CSMD2: variants seen among roughly 807,000 people sequenced by gnomAD.
CSMD2 encodes the protein CUB and Sushi multiple domains 2, also known as CUB and sushi domain-containing protein 2.
A neutral mutation model predicts 398.5 loss-of-function variants in CSMD2; 130 were observed. The observed-to-expected ratio is 0.33, with a 90% CI of 0.28 to 0.38. CSMD2 has a LOEUF of 0.38. Among genes scored for constraint, CSMD2 ranks in the 10% least tolerant of loss-of-function variants. The pLI, the probability that CSMD2 is intolerant of heterozygous loss-of-function variation, is 1.00. For synonymous variants in CSMD2, 1,828 were observed against 1,908.5 expected (o/e 0.96, Z 1.10); for missense variants, 3,829 against 4,764.9 (o/e 0.80, Z 5.78).
intron 21 of CSMD2, among the ~76,000 whole-genome samples, chr1:33,711,048 T>C (rs1645970290): frequency 6.6e-6 from 1 of 152,226 alleles, no homozygotes; most frequent in Non-Finnish European, 1.5e-5. Flanking sequence ...TCATGATGAA[T>C]GTGCTGAGAT....
chr1:33,858,588 A>G (rs144718700), intron 5 of CSMD2, among the ~76,000 whole-genome samples: 181 of 152,324 alleles, frequency 1.2e-3, no homozygotes, highest in African/African-American at 4.1e-3. Flanking sequence ...TTATTAAAAT[A>G]TTGTGCTCAC....
intron 12 of CSMD2, among the ~76,000 whole-genome samples, chr1:33,779,825 G>GA (rs1265632332): frequency 2.0e-5 from 3 of 152,202 alleles, no homozygotes; most frequent in Admixed American, 6.5e-5. Context: ...CCGAGCCAAT[G>GA]TTTTTTGAAA....
At chr1:33,679,498 C>T (rs1053631961) in intron 25 of CSMD2, among the ~76,000 whole-genome samples, 1 of 152,188 alleles carries the variant, frequency 6.6e-6, no homozygotes, top group East Asian at 1.9e-4. Flanking sequence ...CTGCGCCCAG[C>T]CTCAAATACT....
intron 47 of CSMD2, among the ~76,000 whole-genome samples, chr1:33,582,824 G>A (rs1351254167): frequency 2.0e-5 from 3 of 152,186 alleles, no homozygotes; most frequent in Non-Finnish European, 4.4e-5. Flanking sequence ...TGTGTGAGGC[G>A]CATATCTTTA....
chr1:33,722,766 T>A (rs77849812), intron 19 of CSMD2, among the ~76,000 whole-genome samples: 18 of 152,308 alleles, frequency 1.2e-4, no homozygotes, highest in Non-Finnish European at 1.6e-4. Context: ...AAGTTTTTTT[T>A]AATTGAATCT....
At chr1:33,548,205 T>A (rs75560692) in intron 56 of CSMD2, among the ~76,000 whole-genome samples, 3,942 of 152,320 alleles carry the variant, frequency 0.026, 166 homozygotes, top group African/African-American at 0.085. Flanking sequence ...GGCTCAGGTA[T>A]GTCTTTTGGC....
Position 33,739,218 on chromosome 1 carries a change from T to A in CSMD2, c.2290A>T (p.Thr764Ser), listed in dbSNP as rs771377914. Reference protein sequence around the residue: ...SFLCDEGFLGTQGSETITCVL... With the variant: ...SFLCDEGFLGSQGSETITCVL... ...CAGGTGATGGTCTCTGAGCCCTGAGTCCCAAGGAAGCCTTCATCACAGAGG... is the reference window on the plus strand; with the variant it reads ...CAGGTGATGGTCTCTGAGCCCTGAGACCCAAGGAAGCCTTCATCACAGAGG... The change falls in exon 15 of 71, where the codon ACT becomes TCT. Residue 764 changes from threonine to serine, a missense_variant. Coordinates refer to ENST00000373381, the MANE Select transcript of CSMD2 (RefSeq NM_001281956.2). 2 of 1,614,050 alleles carry A rather than the reference T, an allele frequency of 1.2e-6. No homozygotes were observed. Among genetic ancestry groups the A allele is most frequent in the Non-Finnish European group, 1.7e-6 (2 of 1,180,006 alleles).
intron 3 of CSMD2, among the ~76,000 whole-genome samples, chr1:33,937,261 A>G (rs1323091886): frequency 6.6e-6 from 1 of 152,214 alleles, no homozygotes; most frequent in African/African-American, 2.4e-5. Context: ...GGACAGGAAC[A>G]GGTAGGGAAC....
intron 21 of CSMD2, among the ~76,000 whole-genome samples, chr1:33,710,657 G>A (rs72662075): frequency 0.092 from 13,951 of 152,172 alleles, 883 homozygotes; most frequent in Non-Finnish European, 0.14. Context: ...AAAAGCCCTG[G>A]GGTTGACCAA....
chr1:33,606,455 C>T (rs1393960455), intron 41 of CSMD2, among the ~76,000 whole-genome samples: 4 of 152,214 alleles, frequency 2.6e-5, no homozygotes, highest in Non-Finnish European at 5.9e-5. Context: ...ACAGGGAAGT[C>T]TCAGGGGGAG....
At chr1:34,109,066 T>C (rs1489850738) in intron 1 of CSMD2, among the ~76,000 whole-genome samples, 1 of 152,176 alleles carries the variant, frequency 6.6e-6, no homozygotes, top group African/African-American at 2.4e-5. Context: ...CTCATTCCTC[T>C]GACAGCTTCA....
chr1:33,677,637 A>T (rs1644762575), intron 25 of CSMD2, among the ~76,000 whole-genome samples: 1 of 152,150 alleles, frequency 6.6e-6, no homozygotes, highest in East Asian at 1.9e-4. Context: ...TAAATCATGC[A>T]GCTATAAAGA....
intron 22 of CSMD2, among the ~76,000 whole-genome samples, chr1:33,705,074 C>T (rs548742626): frequency 6.6e-6 from 1 of 151,988 alleles, no homozygotes; most frequent in South Asian, 2.1e-4. Context: ...TGAGACTGCC[C>T]TAATAGTTTC....
At chr1:34,031,806 G>A (rs1054041580) in intron 3 of CSMD2, among the ~76,000 whole-genome samples, 29 of 148,372 alleles carry the variant, frequency 2.0e-4, no homozygotes, top group Non-Finnish European at 3.4e-4. Flanking sequence ...GATATCTGGC[G>A]TGCTTTACTA....
intron 1 of CSMD2, among the ~76,000 whole-genome samples, chr1:34,131,014 T>C (rs1663289487): frequency 6.6e-6 from 1 of 152,182 alleles, no homozygotes; most frequent in Non-Finnish European, 1.5e-5. Flanking sequence ...CAATAAATGC[T>C]TGCATTCAAT....
chr1:33,708,878 C>T (rs1221879355), intron 22 of CSMD2, among the ~76,000 whole-genome samples: 1 of 152,144 alleles, frequency 6.6e-6, no homozygotes, highest in South Asian at 2.1e-4. Context: ...TGATAGCAGG[C>T]AGCTTCTAAA....
At chr1:33,864,849 AG>A (rs1275474855) in intron 5 of CSMD2, 13 of 990,590 alleles carry the variant, frequency 1.3e-5, no homozygotes, top group Non-Finnish European at 1.5e-5. Flanking sequence ...TGCTTTGTGG[AG>A]GAGGGAGTGG....
At chr1:33,553,693 C>T (rs1657677906) in intron 55 of CSMD2, among the ~76,000 whole-genome samples, 1 of 152,056 alleles carries the variant, frequency 6.6e-6, no homozygotes, top group Non-Finnish European at 1.5e-5. Context: ...ATTGTGAATG[C>T]AAAGGAAAAG....
intron 19 of CSMD2, among the ~76,000 whole-genome samples, chr1:33,717,131 T>C (rs1328180912): frequency 6.6e-6 from 1 of 151,994 alleles, no homozygotes; most frequent in Non-Finnish European, 1.5e-5. Context: ...AAAGGGACTG[T>C]CAATTCCAGG....
Sources: allele counts gnomAD v4.1 joint callset (sites outside exome capture counted in the v4.1 genomes callset), GRCh38; gene constraint gnomAD v4.1.1; transcripts MANE v1.5; gene names NCBI Gene and HGNC (gene_info 2026-07-23, HGNC 2026-07-21).